POLA1: variants seen among roughly 807,000 people sequenced by gnomAD.
POLA1 encodes the protein DNA polymerase alpha 1, catalytic subunit.
POLA1 carries 15 observed loss-of-function variants against 124.0 expected under a neutral mutation model. That is an observed-to-expected ratio of 0.12 (90% CI 0.08 to 0.19). The LOEUF (loss-of-function observed/expected upper bound fraction) is 0.19. Ranked by LOEUF, POLA1 falls within the 10% of genes least tolerant of loss-of-function variation. The pLI is 1.00. For missense variants in POLA1, 886 were observed against 1,103.4 expected, an observed-to-expected ratio of 0.80 and a Z score of 2.79; for synonymous variants, 408 against 389.4, an observed-to-expected ratio of 1.05 and a Z score of -0.56.
At chrX:24,812,894 G>C (rs1569321995) in intron 29 of POLA1, 31 bp downstream of exon 29, 1 of 988,971 alleles carries the variant, frequency 1.0e-6, no homozygotes, top group Admixed American at 2.4e-5. Flanking sequence ...TGCTTTTCTT[G>C]TTTGTCTTTT....
At chrX:24,909,398 G>A (rs1327570480) in intron 35 of POLA1, among the ~76,000 whole-genome samples, 2 of 112,014 alleles carry the variant, frequency 1.8e-5, no homozygotes, top group Non-Finnish European at 3.8e-5. Flanking sequence ...AACCCATCTT[G>A]AATTCATTTT....
chrX:24,954,122 C>T (rs990855578), intron 36 of POLA1, among the ~76,000 whole-genome samples: 1 of 112,174 alleles, frequency 8.9e-6, no homozygotes, highest in Admixed American at 9.5e-5. Flanking sequence ...CTGTAAAGAC[C>T]TGTTGGTTTT....
chrX:24,731,083 A>G (rs1930876323), intron 15 of POLA1, among the ~76,000 whole-genome samples: 2 of 112,346 alleles, frequency 1.8e-5, no homozygotes, highest in Admixed American at 1.9e-4. Flanking sequence ...AGATGAGCAG[A>G]CATTATGTGC....
chrX:24,867,452 G>T (rs1049944429), intron 34 of POLA1, among the ~76,000 whole-genome samples: 3 of 111,278 alleles, frequency 2.7e-5, no homozygotes, highest in Non-Finnish European at 5.7e-5. Flanking sequence ...TTCATTTTTA[G>T]TCTCCTTAGC....
chrX:24,807,985 G>A (rs772027902), intron 26 of POLA1, among the ~76,000 whole-genome samples: 1 of 112,235 alleles, frequency 8.9e-6, no homozygotes, highest in Non-Finnish European at 1.9e-5. Flanking sequence ...AGAATAACAG[G>A]CCATACAAGT....
At chrX:24,923,746 C>G (rs1237751806) in intron 35 of POLA1, among the ~76,000 whole-genome samples, 1 of 112,049 alleles carries the variant, frequency 8.9e-6, no homozygotes, top group African/African-American at 3.2e-5. Context: ...ATTTCTGTAG[C>G]CTATGGAAAT....
In POLA1 at chrX:24,922,973, C is replaced by CT. The variant is rs746083934; in HGVS notation, c.4165-7473dup. On this transcript the variant is annotated intron_variant, in intron 35 of 36. Transcript: ENST00000379068. ...ACATGTAAGAGAGGGCAAATTCAATCTTTTTTTGACATTAGGTTAACCTAG... is the reference window on the plus strand; with the variant it reads ...ACATGTAAGAGAGGGCAAATTCAATCTTTTTTTTGACATTAGGTTAACCTAG... Among the ~76,000 whole-genome samples the CT allele has an allele frequency of 8.9e-5, 10 of 111,831 alleles. No individual in the cohort carries two copies. In the South Asian group the frequency reaches 3.8e-3, roughly 42 times the overall value.
chrX:24,946,823 A>G (rs780032144), intron 36 of POLA1, among the ~76,000 whole-genome samples: 14 of 112,154 alleles, frequency 1.2e-4, no homozygotes, highest in Non-Finnish European at 2.4e-4. Flanking sequence ...TTTCTGTAAT[A>G]GAGCACTTTC....
intron 14 of POLA1, 115 bp from the exon 15 acceptor site, chrX:24,727,667 T>A (rs1445965286): frequency 1.6e-5 from 9 of 557,067 alleles, no homozygotes; most frequent in Non-Finnish European, 2.6e-5. Flanking sequence ...CAATATGTCA[T>A]TCTTATTAGA....
At chrX:24,986,694 ACTCCAGC>A (rs1275693424) in intron 36 of POLA1, among the ~76,000 whole-genome samples, 6 of 110,091 alleles carry the variant, frequency 5.5e-5, no homozygotes, top group Non-Finnish European at 1.1e-4. Context: ...ATGCCACTGC[ACTCCAGC>A]CTGACAGAGT....
intron 34 of POLA1, among the ~76,000 whole-genome samples, chrX:24,863,190 G>C (rs367978984): frequency 4.5e-5 from 5 of 110,448 alleles, no homozygotes; most frequent in African/African-American, 1.6e-4. Context: ...AGAATTAAGG[G>C]GGGTAGCATA....
At chrX:24,859,664 C>T (rs2046691273) in intron 34 of POLA1, among the ~76,000 whole-genome samples, 1 of 112,585 alleles carries the variant, frequency 8.9e-6, no homozygotes, top group African/African-American at 3.2e-5. Flanking sequence ...TGAACACAAG[C>T]TGTGCTGTGT....
chrX:24,862,522 A>G (rs531058575), intron 34 of POLA1, among the ~76,000 whole-genome samples: 1 of 111,675 alleles, frequency 9.0e-6, no homozygotes, highest in East Asian at 2.8e-4. Flanking sequence ...ACGGCAGTGT[A>G]ATGACTTAAA....
chrX:24,944,526 A>G (rs191897918), intron 36 of POLA1, among the ~76,000 whole-genome samples: 2 of 111,938 alleles, frequency 1.8e-5, no homozygotes, highest in South Asian at 7.4e-4. Context: ...CCTTCTTTCA[A>G]CCTGAAATAT....
rs1158287529 is a variant in POLA1, at chrX:24,888,008, C to T, written c.4050C>T (p.Gly1350=). Residue 1350 remains glycine, a splice_region_variant and synonymous_variant, in exon 35 of 37, where the codon GGC becomes GGT. Coordinates refer to ENST00000379068, the MANE Select transcript of POLA1 (RefSeq NM_001330360.2). ...CTGAAGTTTTCCCTTCTCTCCAGGG[C>T]TGGTTGATATGTGAAGAGCCAACCT... The part of the protein sequence containing the change: ...IRRFIKKYYD[G]WLICEEPTCR... The T allele has an allele frequency of 8.5e-7, 1 of 1,177,900 alleles. No individual in the cohort carries two copies. Among genetic ancestry groups the T allele is most frequent in the East Asian group, 3.0e-5 (1 of 33,674 alleles).
intron 26 of POLA1, among the ~76,000 whole-genome samples, chrX:24,798,450 A>G (rs1387442610): frequency 9.0e-6 from 1 of 111,135 alleles, no homozygotes; most frequent in Non-Finnish European, 1.9e-5. Context: ...GAAGACCCTT[A>G]TGATGATCTA....
intron 36 of POLA1, among the ~76,000 whole-genome samples, chrX:24,985,053 T>C (rs1412440145): frequency 8.9e-6 from 1 of 111,860 alleles, no homozygotes; most frequent in Non-Finnish European, 1.9e-5. Flanking sequence ...AGAGCATGAA[T>C]TAAATTTGTG....
intron 10 of POLA1, 44 bp downstream of exon 10, chrX:24,717,802 G>A (rs1249063082): frequency 1.2e-6 from 1 of 818,493 alleles, no homozygotes; most frequent in African/African-American, 2.1e-5. Context: ...CTCAGAGTAG[G>A]ACTTTTCCCT....
intron 29 of POLA1, among the ~76,000 whole-genome samples, chrX:24,814,316 G>A (rs1177360719): frequency 1.8e-5 from 2 of 112,104 alleles, no homozygotes; most frequent in Non-Finnish European, 3.8e-5. Flanking sequence ...TCAAACTCTC[G>A]CTCTGCATTT....
Sources: gnomAD v4.1 joint callset for allele counts (sites outside exome capture counted in the v4.1 genomes callset) on GRCh38, gnomAD v4.1.1 for gene constraint, MANE v1.5 for transcripts, NCBI Gene and HGNC (gene_info 2026-07-23, HGNC 2026-07-21) for gene names.